Variants in GOLGB1 observed in about 807,000 individuals in gnomAD.
GOLGB1 encodes golgin subfamily B member 1.
GOLGB1 carries 174 observed loss-of-function variants against 336.9 expected under a neutral mutation model. The observed-to-expected ratio is 0.52, with a 90% confidence interval of 0.46 to 0.59. The LOEUF is 0.59. Among genes scored for constraint, GOLGB1 ranks in the 20% least tolerant of loss-of-function variants. The pLI is 0.00. For missense variants in GOLGB1, 3,331 were observed against 3,645.3 expected (o/e 0.91, Z 2.22); for synonymous variants, 1,208 against 1,289.2 (o/e 0.94, Z 1.35).
rs1050856800 is a variant in GOLGB1 at position 121,692,324 on chromosome 3, A to G, written c.7040T>C (p.Ile2347Thr). 2 of 1,610,378 alleles carry G rather than the reference A, an allele frequency of 1.2e-6. No individual in the cohort carries two copies. Among genetic ancestry groups the G allele is most frequent in the East Asian group, 2.2e-5 (1 of 44,872 alleles). The change falls in exon 14 of 22, where the codon ATA becomes ACA. Residue 2347 changes from isoleucine to threonine, a missense_variant. Transcript: ENST00000614479. ...TTGAATATCAGCCTCTTGCTGCCTT[A>G]TGATCCCTTCCAAGTTTCCTTTTTG... ...KEQKGNLEGIIRQQEADIQNS... is the reference protein window; with the variant it reads ...KEQKGNLEGITRQQEADIQNS...
rs1301730450 is a variant in GOLGB1 at position 121,702,467 on chromosome 3, T to C, written c.1519+14A>G. 2 of 1,227,310 alleles carry C rather than the reference T, an allele frequency of 1.6e-6. No individual in the cohort carries two copies. The highest frequency in any genetic ancestry group is 1.8e-5 in the South Asian group (1 of 55,606). 76.0% of individuals were successfully genotyped at this position (1,227,310 alleles called of 1,614,324 possible). On this transcript the variant is annotated intron_variant, in intron 11 of 21. Transcript: ENST00000614479. ...ATAAGAAGACAGAGAATTATGGTTT[T>C]CTTTTATACATACCATTCTCAGCTT...
chr3:121,714,987 G>GA lies in GOLGB1; in HGVS notation c.1289-12dup, dbSNP rs761099801. 36 of 1,384,298 alleles carry GA rather than the reference G, an allele frequency of 2.6e-5. No individual in the cohort carries two copies. Among genetic ancestry groups the GA allele is most frequent in the Non-Finnish European group, 3.1e-5 (30 of 976,456 alleles). The allele number at this position is 1,384,298 out of a possible 1,614,324, so 85.8% of individuals were successfully genotyped here. Reference sequence around the variant, plus strand: ...TTTGCTGGAGCTGATCTAAGGAAAAGAAAAAAAATAAATGTAATATTTGCT... The same window carrying GA: ...TTTGCTGGAGCTGATCTAAGGAAAAGAAAAAAAAATAAATGTAATATTTGCT... On this transcript the variant is annotated splice_polypyrimidine_tract_variant and intron_variant, in intron 9 of 21. Transcript: ENST00000614479.
rs1233931830 is a variant in GOLGB1, at chr3:121,694,716, G to A, written c.5807C>T (p.Ala1936Val). The change falls in exon 13 of 22, where the codon GCA (alanine) becomes GTA (valine). Residue 1936 changes from alanine to valine, a missense_variant. Transcript: ENST00000614479. ...ATTCCCAATGCTTCCATTAAGTTCT[G>A]CTAATTGATTCATAAGCCTCTCTTC... is the stretch of plus-strand genomic sequence containing the variant. ...DLEERLMNQL[A>V]ELNGSIGNYC... The A allele has an allele frequency of 1.9e-6, 3 of 1,611,990 alleles. No homozygotes were observed. Among genetic ancestry groups the A allele is most frequent in the Non-Finnish European group, 2.5e-6 (3 of 1,179,920 alleles).
chr3:121,745,960 A>C (rs1947257385), intron 1 of GOLGB1, among the ~76,000 whole-genome samples: 1 of 152,218 alleles, frequency 6.6e-6, no homozygotes, highest in South Asian at 2.1e-4. Context: ...TAAAAATATA[A>C]AAAGAATTAT....
At chr3:121,706,211 G>A (rs1232273320) in intron 10 of GOLGB1, among the ~76,000 whole-genome samples, 3 of 151,672 alleles carry the variant, frequency 2.0e-5, no homozygotes, top group Non-Finnish European at 4.4e-5. Context: ...AAATGTAATT[G>A]GAATTCCCAA....
rs183607396 is a variant in GOLGB1, at chr3:121,731,643, G to C, written c.-2-670C>G. Among the ~76,000 whole-genome samples, 10 of 152,070 alleles carry C rather than the reference G, an allele frequency of 6.6e-5. No homozygotes were observed. In the East Asian group the frequency reaches 1.9e-3, roughly 29 times the overall value. On this transcript the variant is annotated intron_variant, in intron 1 of 21. Transcript: ENST00000614479. ...CCCATGAACCCCATTCTTTCAGAAA[G>C]CTTTCTTGATAAACCATGTGGCTTT...
At chr3:121,729,836 T>C in intron 3 of GOLGB1, 29 bp downstream of exon 3, 1 of 1,558,974 alleles carries the variant, frequency 6.4e-7, no homozygotes. Context: ...TATCAAATGC[T>C]CCACAAGAAA....
intron 14 of GOLGB1, among the ~76,000 whole-genome samples, chr3:121,684,464 G>A (rs1174992812): frequency 2.0e-5 from 3 of 151,798 alleles, no homozygotes; most frequent in Admixed American, 6.6e-5. Flanking sequence ...TAGTTAGCAT[G>A]ATGAAGAAAA....
chr3:121,741,552 T>C (rs759229817), intron 1 of GOLGB1, among the ~76,000 whole-genome samples: 1 of 152,246 alleles, frequency 6.6e-6, no homozygotes, highest in African/African-American at 2.4e-5. Flanking sequence ...CCTAGATTAC[T>C]ATATGTGAAA....
Position 121,670,762 on chromosome 3 carries a change from G to C in GOLGB1, c.9178-1407C>G, listed in dbSNP as rs547993815. Among the ~76,000 whole-genome samples, 199 of 149,210 alleles carry C rather than the reference G, an allele frequency of 1.3e-3. 4 individuals are homozygous for C. Among genetic ancestry groups the C allele is most frequent in the Middle Eastern group, 0.01 (3 of 290 alleles). On this transcript the variant is annotated intron_variant, in intron 17 of 21. Transcript: ENST00000614479. ...AATCATAGGGTTTTCTTTTGGGGGG[G>C]GGGGTGTGGGAGGAGGTGGGAATAG... is the stretch of plus-strand genomic sequence containing the variant.
intron 1 of GOLGB1, among the ~76,000 whole-genome samples, chr3:121,740,691 A>T (rs1946793618): frequency 6.6e-6 from 1 of 152,216 alleles, no homozygotes; most frequent in African/African-American, 2.4e-5. Flanking sequence ...AAAATGTAAG[A>T]AATTAAGAGT....
At position 121,697,056 on chromosome 3, in the gene GOLGB1, C is replaced by A. The variant is rs1333938392; in HGVS notation, c.3467G>T (p.Cys1156Phe). The part of the protein sequence containing the change: ...VKETVVISPP[C>F]TGSSEHWKPE... ...TTTCCAGTGTTCACTACTACCTGTA[C>A]AAGGTGGACTTATCACCACTGTTTC... Residue 1156 changes from cysteine (C) to phenylalanine (F), a missense_variant, in exon 13 of 22, where the codon TGT becomes TTT. Coordinates refer to ENST00000614479, the MANE Select transcript of GOLGB1 (RefSeq NM_001366282.2). 6.2e-7 allele frequency: 1 copy of A among 1,613,784 alleles called. No individual in the cohort carries two copies. The highest frequency in any genetic ancestry group is 1.1e-5 in the South Asian group (1 of 91,076).
chr3:121,736,294 C>T (rs1172990860), intron 1 of GOLGB1, among the ~76,000 whole-genome samples: 1 of 152,040 alleles, frequency 6.6e-6, no homozygotes, highest in African/African-American at 2.4e-5. Context: ...AAAAGAAAAA[C>T]AGCAACATCA....
At chr3:121,710,215 TA>T (rs1165203748) in intron 10 of GOLGB1, among the ~76,000 whole-genome samples, 2 of 151,588 alleles carry the variant, frequency 1.3e-5, no homozygotes, top group African/African-American at 2.4e-5. Flanking sequence ...TGAATTCTTT[TA>T]AAAAAAAGTA....
Position 121,697,465 on chromosome 3 carries a change from C to A in GOLGB1, c.3058G>T (p.Glu1020Ter). ...GATTCATCTTTCAAGTTGGCTAATT[C>A]TTCTTCCAATCTACTGACTCTTTGC... ...LLQRVSRLEE[E>*]LANLKDESKK... The change falls in exon 13 of 22, where the codon GAA becomes TAA. Residue 1020 changes from glutamate to a stop codon, truncating the protein, a stop_gained. Transcript: ENST00000614479. LOFTEE classifies it high-confidence loss of function. The A allele has an allele frequency of 1.2e-6, 2 of 1,611,352 alleles. No individual in the cohort carries two copies.
In GOLGB1 at chr3:121,664,265, T is replaced by C; in HGVS notation, c.*215A>G. ...GTGATTCTCAGATTAAGCAGAAGCG[T>C]TCAGGCTCAGGGCAGTAGAAGAAAG... On this transcript the variant is annotated 3_prime_UTR_variant, in exon 22 of 22. Coordinates refer to ENST00000614479, the MANE Select transcript of GOLGB1 (RefSeq NM_001366282.2). 1.7e-6 allele frequency: 1 copy of C among 572,032 alleles called. No individual in the cohort carries two copies. The highest frequency in any genetic ancestry group is 1.9e-5 in the African/African-American group (1 of 53,518). 35.4% of individuals were successfully genotyped at this position (572,032 alleles called of 1,614,324 possible). A position where few individuals can be genotyped will look rare whatever the true frequency, so the allele number is the denominator to read the frequency against.
chr3:121,726,860 T>C, intron 5 of GOLGB1, 53 bp downstream of exon 5: 2 of 1,367,718 alleles, frequency 1.5e-6, no homozygotes, highest in Admixed American at 4.5e-5. Flanking sequence ...TAATAATCCA[T>C]TGGTTTTAGT....
chr3:121,707,235 A>AAT (rs1378845118), intron 10 of GOLGB1, among the ~76,000 whole-genome samples: 1 of 150,926 alleles, frequency 6.6e-6, no homozygotes, highest in Admixed American at 6.6e-5. Context: ...CAAAAAAAAA[A>AAT]AAAAAAACAA....
At chr3:121,722,208 G>A (rs559902242) in intron 6 of GOLGB1, 54 bp downstream of exon 6, 41 of 967,028 alleles carry the variant, frequency 4.2e-5, no homozygotes, top group South Asian at 2.8e-4. Flanking sequence ...TGACTTGTGC[G>A]TAATAACCCA....
Sources: allele counts gnomAD v4.1 joint callset (sites outside exome capture counted in the v4.1 genomes callset), GRCh38; gene constraint gnomAD v4.1.1; transcripts MANE v1.5; gene names NCBI Gene and HGNC (gene_info 2026-07-23, HGNC 2026-07-21).